CASP9: variants seen among roughly 807,000 people sequenced by gnomAD.
The protein encoded by CASP9 is caspase 9.
In CASP9, 29 loss-of-function variants were observed where a neutral mutation model predicts 43.5. The ratio of observed to expected loss-of-function variants is 0.67; its 90% CI spans 0.50 to 0.91. CASP9 has a LOEUF of 0.91. CASP9 is among the 40% of genes least tolerant of loss of function. The pLI, the probability that CASP9 is intolerant of heterozygous loss-of-function variation, is 0.00. For synonymous variants in CASP9, 206 were observed against 211.9 expected (o/e 0.97, Z 0.24); for missense variants, 575 against 537.4 (o/e 1.07, Z -0.69).
rs1709456405 is a variant in CASP9 at position 15,504,765 on chromosome 1, G to C, written c.721-7C>G. The C allele has an allele frequency of 6.2e-7, 1 of 1,608,238 alleles. No individual in the cohort carries two copies. Among genetic ancestry groups the C allele is most frequent in the Non-Finnish European group, 8.5e-7 (1 of 1,177,850 alleles). ...GGAACTGCAGGTGGCTGGCCTAGAA[G>C]ACCAAGAACCCTGGTTACAAAACCA... is the stretch of plus-strand genomic sequence containing the variant. On this transcript the variant is annotated splice_region_variant and splice_polypyrimidine_tract_variant and intron_variant, in intron 5 of 8. Transcript: ENST00000333868.
rs1708939879 is a variant in CASP9, at chr1:15,492,820, G to C, written c.*123C>G. ...AGCCTGTCTGTCACTGGCAGAGAAA[G>C]AGCAGACCCTGTGCCGGCTGCAAAG... On this transcript the variant is annotated 3_prime_UTR_variant, in exon 9 of 9. Transcript: ENST00000333868. 7.4e-7 allele frequency: 1 copy of C among 1,355,182 alleles called. No homozygotes were observed. The highest frequency in any genetic ancestry group is 1.0e-6 in the Non-Finnish European group (1 of 994,872). 83.9% of individuals were successfully genotyped at this position (1,355,182 alleles called of 1,614,324 possible). A position where few individuals can be genotyped will look rare whatever the true frequency, so the allele number is the denominator to read the frequency against.
At chr1:15,499,724 T>C (rs1279782648) in intron 6 of CASP9, among the ~76,000 whole-genome samples, 2 of 152,224 alleles carry the variant, frequency 1.3e-5, no homozygotes, top group Non-Finnish European at 2.9e-5. Flanking sequence ...GAGCTAGTGA[T>C]GATGAAGGCC....
At chr1:15,523,808 C>G (rs1436696969) in intron 1 of CASP9, among the ~76,000 whole-genome samples, 1 of 152,246 alleles carries the variant, frequency 6.6e-6, no homozygotes, top group African/African-American at 2.4e-5. Context: ...TTCTCCAATT[C>G]ATGAATTGTT....
intron 2 of CASP9, among the ~76,000 whole-genome samples, chr1:15,508,369 C>T (rs879473670): frequency 3.3e-5 from 5 of 152,084 alleles, no homozygotes; most frequent in Admixed American, 6.6e-5. Flanking sequence ...GCAGAATTTC[C>T]CTTTTAACAA....
chr1:15,512,077 G>A (rs572647223), intron 2 of CASP9, among the ~76,000 whole-genome samples: 3 of 152,204 alleles, frequency 2.0e-5, no homozygotes, highest in Non-Finnish European at 4.4e-5. Context: ...GGAATTGGGG[G>A]CTCAGAGACC....
intron 4 of CASP9, 44 bp from the exon 5 acceptor site, chr1:15,506,123 T>G: frequency 1.5e-6 from 2 of 1,304,764 alleles, no homozygotes; most frequent in Non-Finnish European, 2.2e-6. Flanking sequence ...CGGATAGGTC[T>G]AGATGCAGAC....
At chr1:15,493,793 G>A in intron 8 of CASP9, 99 bp downstream of exon 8, 2 of 1,534,262 alleles carry the variant, frequency 1.3e-6, no homozygotes, top group Non-Finnish European at 1.7e-6. Flanking sequence ...TTTACCCTTG[G>A]TTTGGGCCTG....
intron 6 of CASP9, among the ~76,000 whole-genome samples, chr1:15,497,138 C>T (rs1311549841): frequency 6.6e-6 from 1 of 151,322 alleles, no homozygotes; most frequent in African/African-American, 2.4e-5. Context: ...GGTAAAACCC[C>T]GTCTCTATTA....
chr1:15,523,948 G>C, intron 1 of CASP9, 121 bp downstream of exon 1: 1 of 689,838 alleles, frequency 1.4e-6, no homozygotes. Context: ...AGGTGTTTGG[G>C]ATTCTTTGGC....
chr1:15,495,199 T>C, intron 7 of CASP9, 74 bp downstream of exon 7: 1 of 1,397,896 alleles, frequency 7.2e-7, no homozygotes, highest in Admixed American at 2.3e-5. Flanking sequence ...GTCTTTTCTC[T>C]CACCACACAG....
At chr1:15,513,633 C>T (rs557842316) in intron 2 of CASP9, among the ~76,000 whole-genome samples, 1 of 152,288 alleles carries the variant, frequency 6.6e-6, no homozygotes, top group South Asian at 2.1e-4. Context: ...CCCCTCTCCA[C>T]CTGAAGGCAA....
rs1570850371 is a variant in CASP9, at chr1:15,507,627, G to A, written c.453+246C>T. 9.3e-6 allele frequency: 5 copies of A among 535,806 alleles called. No individual in the cohort carries two copies. The South Asian group carries it at 1.0e-4, about 11-fold the overall frequency. The allele number at this position is 535,806 out of a possible 1,614,324, so 33.2% of individuals were successfully genotyped here. On this transcript the variant is annotated intron_variant, in intron 3 of 8. Coordinates refer to ENST00000333868, the MANE Select transcript of CASP9 (RefSeq NM_001229.5). Reference sequence around the variant, plus strand: ...AGAGTGGCGACTTGGTCTGGATCCCGATGACTGCCCCTCATCAGGTCTGCC... The same window carrying A: ...AGAGTGGCGACTTGGTCTGGATCCCAATGACTGCCCCTCATCAGGTCTGCC...
intron 2 of CASP9, among the ~76,000 whole-genome samples, chr1:15,513,541 C>A (rs2103364815): frequency 1.3e-5 from 2 of 152,254 alleles, no homozygotes; most frequent in East Asian, 3.9e-4. Flanking sequence ...TGATGCACCT[C>A]TAAAGCACCG....
At chr1:15,509,363 G>A (rs1709647753) in intron 2 of CASP9, among the ~76,000 whole-genome samples, 1 of 150,378 alleles carries the variant, frequency 6.6e-6, no homozygotes. Context: ...GGTGGCTCAC[G>A]CCTATAATCC....
rs552810536 is a variant in CASP9, at chr1:15,492,594, C to T, written c.*349G>A. ...AACATCCCACAATGTACAGGACAGC[C>T]TCACAGCAAAGGGTGACCTGGCCCC... On this transcript the variant is annotated 3_prime_UTR_variant, in exon 9 of 9. Transcript: ENST00000333868. 2.8e-5 allele frequency: 8 copies of T among 283,426 alleles called. No individual in the cohort carries two copies. The highest frequency in any genetic ancestry group is 1.5e-4 in the African/African-American group (7 of 46,332). The allele number at this position is 283,426 out of a possible 1,614,324, so 17.6% of individuals were successfully genotyped here.
intron 1 of CASP9, among the ~76,000 whole-genome samples, chr1:15,521,515 T>C (rs1359949324): frequency 6.6e-6 from 1 of 152,208 alleles, no homozygotes; most frequent in Admixed American, 6.5e-5. Flanking sequence ...GTGAAAGTCT[T>C]AAAGTCTTTG....
At chr1:15,509,150 C>A (rs1709637360) in intron 2 of CASP9, among the ~76,000 whole-genome samples, 1 of 152,178 alleles carries the variant, frequency 6.6e-6, no homozygotes, top group Non-Finnish European at 1.5e-5. Context: ...TCACTGGAAC[C>A]CCTCTCTCTG....
At chr1:15,511,305 G>A (rs1426471813) in intron 2 of CASP9, among the ~76,000 whole-genome samples, 1 of 152,124 alleles carries the variant, frequency 6.6e-6, no homozygotes, top group African/African-American at 2.4e-5. Context: ...AGGCTGGAGT[G>A]CAGTGGTACA....
At chr1:15,494,874 A>G (rs896160360) in intron 7 of CASP9, among the ~76,000 whole-genome samples, 185 of 150,828 alleles carry the variant, frequency 1.2e-3, no homozygotes, top group Non-Finnish European at 2.3e-3. Flanking sequence ...AAAAAAAAAA[A>G]AAAAAAAAAA....
Sources: gnomAD v4.1 joint callset for allele counts (sites outside exome capture counted in the v4.1 genomes callset) on GRCh38, gnomAD v4.1.1 for gene constraint, MANE v1.5 for transcripts, NCBI Gene and HGNC (gene_info 2026-07-23, HGNC 2026-07-21) for gene names.